USH2A: variants seen among roughly 807,000 people sequenced by gnomAD.
The protein encoded by USH2A is usherin, also known as Usher syndrome 2A (autosomal recessive, mild).
Under a neutral mutation model 538.9 loss-of-function variants are expected in USH2A, and 443 were observed. The observed-to-expected ratio is 0.82, with a 90% CI of 0.76 to 0.89. The LOEUF is 0.89. USH2A is among the 40% of genes least tolerant of loss of function. The probability of loss-of-function intolerance (pLI) is 0.00; values close to 1 mark genes in which losing one functional copy is unlikely to be tolerated. For missense variants in USH2A, 6,633 were observed against 6,324.8 expected (o/e 1.05, Z -1.65); for synonymous variants, 2,413 against 2,273.5 (o/e 1.06, Z -1.75).
chr1:216,249,086 A>G (rs1485292297), intron 12 of USH2A, among the ~76,000 whole-genome samples: 1 of 151,772 alleles, frequency 6.6e-6, no homozygotes, highest in Non-Finnish European at 1.5e-5. Flanking sequence ...TTTTTTTCAT[A>G]TTAACAAGGT....
chr1:215,958,729 A>G (rs1466957661), intron 37 of USH2A, among the ~76,000 whole-genome samples: 2 of 152,000 alleles, frequency 1.3e-5, no homozygotes, highest in East Asian at 1.9e-4. Context: ...ATGTAACCTC[A>G]AAAAAACCAA....
At chr1:216,240,013 C>A (rs200003813) in intron 13 of USH2A, among the ~76,000 whole-genome samples, 4,664 of 108,984 alleles carry the variant, frequency 0.043, no homozygotes, top group Non-Finnish European at 0.049. Context: ...ATGAAATAAA[C>A]AAAAAAAAAA....
At chr1:215,964,452 T>C (rs529307565) in intron 37 of USH2A, among the ~76,000 whole-genome samples, 3 of 152,202 alleles carry the variant, frequency 2.0e-5, no homozygotes, top group African/African-American at 4.8e-5. Flanking sequence ...CACCTGTTTT[T>C]ACACTTGGAG....
At chr1:216,306,546 T>A (rs1014187205) in intron 9 of USH2A, among the ~76,000 whole-genome samples, 2 of 152,218 alleles carry the variant, frequency 1.3e-5, no homozygotes, top group Admixed American at 6.5e-5. Flanking sequence ...CCATTGCTGG[T>A]AAGCTATTGT....
intron 64 of USH2A, among the ~76,000 whole-genome samples, chr1:215,662,377 T>C (rs1421931335): frequency 6.6e-6 from 1 of 152,210 alleles, no homozygotes; most frequent in Non-Finnish European, 1.5e-5. Context: ...CTGAGTTGCA[T>C]CTGCAAGAGG....
rs775343764 is a variant in USH2A at position 215,759,652 on chromosome 1, T to C, written c.11231+8A>G. 2.5e-6 allele frequency: 4 copies of C among 1,613,908 alleles called. No individual in the cohort carries two copies. The East Asian group carries it at 8.9e-5, about 36-fold the overall frequency. The stretch of plus-strand genomic sequence containing the variant: ...CTGTATGATTGGTAAAGTTTTCTTT[T>C]AGTTTACCTGCTATTGGGCTCCAGG... On this transcript the variant is annotated splice_region_variant and intron_variant, in intron 57 of 71. Coordinates refer to ENST00000307340, the MANE Select transcript of USH2A (RefSeq NM_206933.4).
At chr1:216,010,019 T>C (rs964118371) in intron 32 of USH2A, among the ~76,000 whole-genome samples, 19 of 152,320 alleles carry the variant, frequency 1.2e-4, no homozygotes, top group African/African-American at 4.6e-4. Context: ...AAAGGCTGTC[T>C]TATACTCAAT....
chr1:216,128,004 A>G (rs1368373601), intron 21 of USH2A, among the ~76,000 whole-genome samples: 1 of 152,138 alleles, frequency 6.6e-6, no homozygotes, highest in Non-Finnish European at 1.5e-5. Context: ...CAAACTAGAA[A>G]TGAGATGGGA....
chr1:216,216,674 A>G (rs1290312764), intron 15 of USH2A, among the ~76,000 whole-genome samples: 3 of 152,144 alleles, frequency 2.0e-5, no homozygotes, highest in Non-Finnish European at 4.4e-5. Context: ...AAAACGGTCA[A>G]TATGTTATGA....
chr1:216,291,740 C>T (rs556835922), intron 10 of USH2A, among the ~76,000 whole-genome samples: 1 of 152,274 alleles, frequency 6.6e-6, no homozygotes, highest in African/African-American at 2.4e-5. Flanking sequence ...AGAGTATTCT[C>T]AGACTACCAG....
At position 215,790,302 on chromosome 1, in the gene USH2A, T is replaced by C. The variant is rs373306164; in HGVS notation, c.9959-20A>G. 4.5e-5 allele frequency: 73 copies of C among 1,611,804 alleles called. No homozygotes were observed. Among genetic ancestry groups the C allele is most frequent in the Non-Finnish European group, 6.0e-5 (71 of 1,178,772 alleles). Reference sequence around the variant, plus strand: ...ACATACCTGCAACAATAAAATGTTATATATGAATATGAAATAGAAAAAGGG... The same window carrying C: ...ACATACCTGCAACAATAAAATGTTACATATGAATATGAAATAGAAAAAGGG... On this transcript the variant is annotated intron_variant, in intron 50 of 71. Coordinates refer to ENST00000307340, the MANE Select transcript of USH2A (RefSeq NM_206933.4).
chr1:215,706,983 T>C (rs556795850), intron 61 of USH2A, among the ~76,000 whole-genome samples: 1 of 152,188 alleles, frequency 6.6e-6, no homozygotes, highest in African/African-American at 2.4e-5. Flanking sequence ...TAATTAAAAA[T>C]AAAAACAACT....
At chr1:215,758,490 G>T in intron 58 of USH2A, 105 bp downstream of exon 58, 1 of 1,402,786 alleles carries the variant, frequency 7.1e-7, no homozygotes, top group Non-Finnish European at 9.9e-7. Context: ...CCAGGAGACC[G>T]ACTATGTCTT....
intron 5 of USH2A, 50 bp downstream of exon 5, chr1:216,327,541 C>A (rs959642911): frequency 1.3e-5 from 20 of 1,593,210 alleles, no homozygotes; most frequent in Admixed American, 3.3e-5. Context: ...TAAGTGAATT[C>A]AGCATTTATC....
chr1:216,266,696 ATG>A (rs889954542), intron 11 of USH2A, among the ~76,000 whole-genome samples: 6 of 152,018 alleles, frequency 3.9e-5, no homozygotes, highest in African/African-American at 1.4e-4. Flanking sequence ...ATAAATATGT[ATG>A]TGTGTGTGCA....
At position 215,634,566 on chromosome 1, in the gene USH2A, G is replaced by T. The variant is rs1448248120; in HGVS notation, c.15190C>A (p.Gln5064Lys). The T allele has an allele frequency of 1.2e-6, 2 of 1,613,988 alleles. No individual in the cohort carries two copies. Among genetic ancestry groups the T allele is most frequent in the African/African-American group, 2.7e-5 (2 of 74,886 alleles). ...LLAIFLSLILQRKIHKEPYIR... is the reference protein window; with the variant it reads ...LLAIFLSLILKRKIHKEPYIR... ...TATGGCTCTTTGTGGATTTTTCTTT[G>T]TAGTATCAGGGACAGAAAAATGGCC... is the stretch of plus-strand genomic sequence containing the variant. Residue 5064 changes from glutamine to lysine, a missense_variant, in exon 70 of 72, where the codon CAA (glutamine) becomes AAA (lysine). By Grantham distance (53) the Gln-to-Lys change is moderately conservative. Coordinates refer to ENST00000307340, the MANE Select transcript of USH2A (RefSeq NM_206933.4).
intron 3 of USH2A, among the ~76,000 whole-genome samples, chr1:216,390,348 A>T (rs1258726608): frequency 1.3e-5 from 2 of 152,172 alleles, no homozygotes; most frequent in Non-Finnish European, 2.9e-5. Flanking sequence ...TATGTCCCTT[A>T]AATTTCCCAC....
intron 58 of USH2A, among the ~76,000 whole-genome samples, chr1:215,750,646 A>G (rs965392948): frequency 2.6e-5 from 4 of 152,214 alleles, no homozygotes; most frequent in Non-Finnish European, 4.4e-5. Flanking sequence ...AGAACTCATG[A>G]AAAATCATTT....
At chr1:215,938,558 A>G (rs187845916) in intron 37 of USH2A, among the ~76,000 whole-genome samples, 7 of 152,238 alleles carry the variant, frequency 4.6e-5, no homozygotes, top group Admixed American at 4.6e-4. Flanking sequence ...TCAAGCTTGA[A>G]AATGTGAAAG....
Sources: gnomAD v4.1 joint callset for allele counts (sites outside exome capture counted in the v4.1 genomes callset) on GRCh38, gnomAD v4.1.1 for gene constraint, MANE v1.5 for transcripts, NCBI Gene and HGNC (gene_info 2026-07-23, HGNC 2026-07-21) for gene names.